Variants in ANTXR1 observed in about 807,000 individuals in gnomAD.
ANTXR1 encodes the protein ANTXR cell adhesion molecule 1.
ANTXR1 carries 19 observed loss-of-function variants against 78.1 expected under a neutral mutation model. That is an observed-to-expected ratio of 0.24 (90% CI 0.17 to 0.36). The LOEUF (loss-of-function observed/expected upper bound fraction) is 0.36. ANTXR1 is among the 10% of genes least tolerant of loss of function. The pLI is 1.00. For synonymous variants in ANTXR1, 273 were observed against 260.5 expected, an observed-to-expected ratio of 1.05 and a Z score of -0.46; for missense variants, 518 against 718.6, an observed-to-expected ratio of 0.72 and a Z score of 3.19.
chr2:69,072,579 G>A (rs142103809), intron 5 of ANTXR1, among the ~76,000 whole-genome samples: 2 of 152,334 alleles, frequency 1.3e-5, no homozygotes, highest in African/African-American at 2.4e-5. Context: ...TGTAAATCAT[G>A]ATGACTATTA....
intron 12 of ANTXR1, among the ~76,000 whole-genome samples, chr2:69,150,470 C>A (rs13395835): frequency 1.2e-4 from 19 of 152,110 alleles, no homozygotes; most frequent in African/African-American, 4.1e-4. Context: ...TGGGAAGCCC[C>A]CAGATACAGA....
chr2:69,198,795 G>C (rs1350190038), intron 17 of ANTXR1, among the ~76,000 whole-genome samples: 5 of 152,124 alleles, frequency 3.3e-5, no homozygotes, highest in African/African-American at 1.2e-4. Flanking sequence ...CACCTTTTCT[G>C]CATCTTCCTG....
chr2:69,044,606 C>A, intron 2 of ANTXR1, 136 bp from the exon 3 acceptor site: 1 of 875,512 alleles, frequency 1.1e-6, no homozygotes, highest in Non-Finnish European at 1.9e-6. Flanking sequence ...CAGCACCAGC[C>A]TAGGAGGCCC....
At chr2:69,065,135 G>T (rs1329686728) in intron 3 of ANTXR1, among the ~76,000 whole-genome samples, 2 of 152,124 alleles carry the variant, frequency 1.3e-5, no homozygotes, top group Non-Finnish European at 2.9e-5. Flanking sequence ...GGTAAGAGTG[G>T]TTTTTCTGGG....
intron 8 of ANTXR1, among the ~76,000 whole-genome samples, chr2:69,080,828 C>T (rs1670877850): frequency 6.6e-6 from 1 of 152,112 alleles, no homozygotes. Context: ...ATAGAATGTT[C>T]TTGGCAGAGC....
intron 12 of ANTXR1, among the ~76,000 whole-genome samples, chr2:69,138,405 A>G (rs1396053202): frequency 6.6e-6 from 1 of 152,198 alleles, no homozygotes; most frequent in Non-Finnish European, 1.5e-5. Context: ...AAGTCACCCC[A>G]GAGTCATTAC....
chr2:69,050,955 C>T (rs1048266457), intron 3 of ANTXR1, among the ~76,000 whole-genome samples: 10 of 151,974 alleles, frequency 6.6e-5, no homozygotes, highest in African/African-American at 1.7e-4. Flanking sequence ...TTCCTTCCTT[C>T]TGCTTCTTAT....
chr2:69,231,924 C>T (rs1169213399), intron 17 of ANTXR1, among the ~76,000 whole-genome samples: 3 of 152,086 alleles, frequency 2.0e-5, no homozygotes, highest in East Asian at 1.9e-4. Flanking sequence ...GACCCCTCCT[C>T]GCCACAGCAC....
At chr2:69,121,234 C>T (rs981477091) in intron 10 of ANTXR1, among the ~76,000 whole-genome samples, 1 of 152,138 alleles carries the variant, frequency 6.6e-6, no homozygotes, top group Non-Finnish European at 1.5e-5. Flanking sequence ...CATTGCAAGC[C>T]TTAGCACATT....
intron 17 of ANTXR1, among the ~76,000 whole-genome samples, chr2:69,204,905 T>A (rs1477711881): frequency 6.6e-6 from 1 of 152,164 alleles, no homozygotes; most frequent in African/African-American, 2.4e-5. Context: ...TCTCCCTGAT[T>A]CCACCTCTCG....
chr2:69,128,952 T>G (rs1488526592), intron 12 of ANTXR1, among the ~76,000 whole-genome samples: 1 of 149,220 alleles, frequency 6.7e-6, no homozygotes, highest in Admixed American at 6.7e-5. Context: ...GTTTTCAAGG[T>G]CTGCAAATGA....
intron 3 of ANTXR1, among the ~76,000 whole-genome samples, chr2:69,062,161 G>T (rs990481259): frequency 6.6e-6 from 1 of 152,298 alleles, no homozygotes; most frequent in African/African-American, 2.4e-5. Context: ...ATAAGGAAAA[G>T]TCAGCTGAGT....
At chr2:69,222,047 C>G (rs915534113) in intron 17 of ANTXR1, among the ~76,000 whole-genome samples, 10 of 152,242 alleles carry the variant, frequency 6.6e-5, no homozygotes, top group African/African-American at 2.2e-4. Flanking sequence ...ACTGGTCACA[C>G]CAGGACACAG....
intron 13 of ANTXR1, among the ~76,000 whole-genome samples, chr2:69,168,478 G>A (rs1219849661): frequency 6.6e-6 from 1 of 152,156 alleles, no homozygotes; most frequent in Non-Finnish European, 1.5e-5. Flanking sequence ...GCACCGTGGA[G>A]ACAAAAGCCC....
chr2:69,019,988 C>T (rs1187580596), intron 1 of ANTXR1, among the ~76,000 whole-genome samples: 1 of 152,098 alleles, frequency 6.6e-6, no homozygotes, highest in Non-Finnish European at 1.5e-5. Flanking sequence ...CATTGATGTG[C>T]ATTTAGGTTG....
chr2:69,045,758 T>C (rs1429226844), intron 3 of ANTXR1, among the ~76,000 whole-genome samples: 1 of 152,142 alleles, frequency 6.6e-6, no homozygotes, highest in African/African-American at 2.4e-5. Context: ...GAAAGAGTGC[T>C]CTGTACCATG....
intron 17 of ANTXR1, among the ~76,000 whole-genome samples, chr2:69,241,649 C>G (rs571002924): frequency 1.3e-5 from 2 of 152,062 alleles, no homozygotes; most frequent in African/African-American, 4.8e-5. Context: ...ACATTTTTTC[C>G]TATTTACCAG....
At position 69,152,325 on chromosome 2, in the gene ANTXR1, G is replaced by A. The variant is rs959805447; in HGVS notation, c.1047+61G>A. 6.6e-6 allele frequency: 10 copies of A among 1,520,482 alleles called. No individual in the cohort carries two copies. The East Asian group carries it at 9.0e-5, about 14-fold the overall frequency. The allele number at this position is 1,520,482 out of a possible 1,614,324, so 94.2% of individuals were successfully genotyped here. The stretch of plus-strand genomic sequence containing the variant: ...GGGTGACATAAAGTTCACAGACCAT[G>A]AGTAGAGAGAAAGGGATTTTTAAAA... On this transcript the variant is annotated intron_variant, in intron 13 of 17. Coordinates refer to ENST00000303714, the MANE Select transcript of ANTXR1 (RefSeq NM_032208.3).
chr2:69,208,857 T>C (rs971149132), intron 17 of ANTXR1, among the ~76,000 whole-genome samples: 3 of 152,224 alleles, frequency 2.0e-5, no homozygotes, highest in African/African-American at 7.2e-5. Context: ...AAACTTCTTA[T>C]TTTTAGGCAG....
Sources: allele counts gnomAD v4.1 joint callset (sites outside exome capture counted in the v4.1 genomes callset), GRCh38; gene constraint gnomAD v4.1.1; transcripts MANE v1.5; gene names NCBI Gene and HGNC (gene_info 2026-07-23, HGNC 2026-07-21).